The following MTUS1 variants were observed in gnomAD, a reference collection of about 807,000 sequenced individuals.
The protein encoded by MTUS1 is microtubule associated scaffold protein 1.
MTUS1 carries 109 observed loss-of-function variants against 120.8 expected under a neutral mutation model. The ratio of observed to expected loss-of-function variants is 0.90; its 90% confidence interval spans 0.77 to 1.06. MTUS1 has a LOEUF of 1.06. Among genes scored for constraint, MTUS1 ranks in the 50% least tolerant of loss-of-function variants. The pLI is 0.00. For missense variants in MTUS1, 2,210 were observed against 1,486.3 expected, an observed-to-expected ratio of 1.49 and a Z score of -8.01; for synonymous variants, 737 against 550.5, an observed-to-expected ratio of 1.34 and a Z score of -4.74.
At chr8:17,689,233 C>CA (rs942719721) in intron 6 of MTUS1, among the ~76,000 whole-genome samples, 6 of 151,848 alleles carry the variant, frequency 4.0e-5, no homozygotes, top group East Asian at 3.9e-4. Flanking sequence ...AACAAACAAA[C>CA]AAAAAACCCC....
At chr8:17,706,802 T>C (rs188986043) in intron 6 of MTUS1, among the ~76,000 whole-genome samples, 104 of 152,350 alleles carry the variant, frequency 6.8e-4, no homozygotes, top group Non-Finnish European at 1.3e-3. Context: ...TAAATGTTAC[T>C]GTATCTGCTA....
chr8:17,786,716 G>A (rs2051331841), intron 1 of MTUS1, among the ~76,000 whole-genome samples: 1 of 152,160 alleles, frequency 6.6e-6, no homozygotes, highest in Admixed American at 6.5e-5. Context: ...TTGAGAGACT[G>A]GCTGGGGCTG....
intron 8 of MTUS1, among the ~76,000 whole-genome samples, chr8:17,666,008 C>T (rs937528976): frequency 6.6e-6 from 1 of 152,022 alleles, no homozygotes; most frequent in African/African-American, 2.4e-5. Context: ...AGTGTTCCTC[C>T]TCCCACCCTT....
intron 6 of MTUS1, among the ~76,000 whole-genome samples, chr8:17,699,492 G>A (rs1818615259): frequency 6.6e-6 from 1 of 152,156 alleles, no homozygotes; most frequent in African/African-American, 2.4e-5. Context: ...GGGATTACAG[G>A]GGTGAGCCAC....
At chr8:17,677,515 T>C (rs1813370505) in intron 7 of MTUS1, among the ~76,000 whole-genome samples, 1 of 152,206 alleles carries the variant, frequency 6.6e-6, no homozygotes, top group Non-Finnish European at 1.5e-5. Flanking sequence ...TTACAGTTAG[T>C]ATAACTGCAA....
chr8:17,740,033 C>A (rs2047195868), intron 3 of MTUS1, among the ~76,000 whole-genome samples: 1 of 152,096 alleles, frequency 6.6e-6, no homozygotes, highest in South Asian at 2.1e-4. Flanking sequence ...TGGTGAAACC[C>A]TGTCTCTACT....
intron 8 of MTUS1, among the ~76,000 whole-genome samples, chr8:17,666,551 G>C (rs1467432341): frequency 6.6e-6 from 1 of 152,068 alleles, no homozygotes; most frequent in East Asian, 1.9e-4. Context: ...GTAGTCCTGG[G>C]GCACCTACAT....
At chr8:17,776,847 A>G (rs2050480267) in intron 1 of MTUS1, among the ~76,000 whole-genome samples, 1 of 152,150 alleles carries the variant, frequency 6.6e-6, no homozygotes, top group South Asian at 2.1e-4. Context: ...CTATCTAAAT[A>G]CAAATTTAAG....
chr8:17,723,359 A>G (rs2045970626), intron 4 of MTUS1: 2 of 374,570 alleles, frequency 5.3e-6, no homozygotes, highest in South Asian at 5.3e-5. Context: ...TGAAACTGAA[A>G]TAATCTTTTT....
intron 1 of MTUS1, among the ~76,000 whole-genome samples, chr8:17,792,083 T>C (rs1036985364): frequency 7.2e-5 from 11 of 152,170 alleles, no homozygotes; most frequent in Admixed American, 2.0e-4. Context: ...CTCTATGACA[T>C]TACTGCACCA....
rs1483143228 is a variant in MTUS1 at position 17,754,338 on chromosome 8, T to A, written c.1470A>T (p.Ile490=). Residue 490 remains isoleucine, a synonymous_variant, in exon 2 of 15, where the codon ATA becomes ATT. Coordinates refer to ENST00000693296, the MANE Select transcript of MTUS1 (RefSeq NM_001363059.2). ...GKSTIKTNTP[I]GCKVRKTEII... ...TTTCAGTTTTTCTAACTTTGCAGCCTATTGGGGTATTCGTTTTGATTGTTG... is the reference window on the plus strand; with the variant it reads ...TTTCAGTTTTTCTAACTTTGCAGCCAATTGGGGTATTCGTTTTGATTGTTG... 3 of 1,614,186 alleles carry A rather than the reference T, an allele frequency of 1.9e-6. No homozygotes were observed. Among genetic ancestry groups the A allele is most frequent in the Middle Eastern group, 1.6e-4 (1 of 6,062 alleles).
rs529988930 is a variant in MTUS1 at position 17,763,645 on chromosome 8, C to A, written c.-154-7684G>T. 2.6e-5 allele frequency among the ~76,000 whole-genome samples: 4 copies of A among 152,242 alleles called. No individual in the cohort carries two copies. In the East Asian group the frequency reaches 7.7e-4, roughly 29 times the overall value. On this transcript the variant is annotated intron_variant, in intron 1 of 14. Coordinates refer to ENST00000693296, the MANE Select transcript of MTUS1 (RefSeq NM_001363059.2). The stretch of plus-strand genomic sequence containing the variant: ...GACGGTGCACTGAGGGAGATACTCG[C>A]TGGAGGCACTAAGGCAACAGGATTA...
rs2048569972 is a variant in MTUS1 at position 17,755,821 on chromosome 8, C to T, written c.-14G>A. 6.3e-7 allele frequency: 1 copy of T among 1,590,702 alleles called. No homozygotes were observed. The highest frequency in any genetic ancestry group is 8.6e-7 in the Non-Finnish European group (1 of 1,169,184). ...ATCATCAGTCATCCTGAATAGTAACCTTAAACCTCTGCCATTTTATTTCTT... is the reference window on the plus strand; with the variant it reads ...ATCATCAGTCATCCTGAATAGTAACTTTAAACCTCTGCCATTTTATTTCTT... On this transcript the variant is annotated 5_prime_UTR_variant, in exon 2 of 15. Coordinates refer to ENST00000693296, the MANE Select transcript of MTUS1 (RefSeq NM_001363059.2).
chr8:17,733,082 G>A (rs2046697038), intron 3 of MTUS1, among the ~76,000 whole-genome samples: 2 of 152,146 alleles, frequency 1.3e-5, no homozygotes, highest in Admixed American at 6.5e-5. Flanking sequence ...TGGGCACGGT[G>A]CCTCACGCCC....
At chr8:17,792,385 A>C (rs1413927536) in intron 1 of MTUS1, among the ~76,000 whole-genome samples, 2 of 152,246 alleles carry the variant, frequency 1.3e-5, no homozygotes, top group African/African-American at 4.8e-5. Context: ...CAGCCTAATA[A>C]GCTGTAACCA....
At chr8:17,710,499 T>C (rs1821073216) in intron 6 of MTUS1, among the ~76,000 whole-genome samples, 1 of 152,206 alleles carries the variant, frequency 6.6e-6, no homozygotes, top group African/African-American at 2.4e-5. Context: ...AGTCACACCT[T>C]AGGCTTCACT....
chr8:17,686,756 G>A (rs796252281), intron 6 of MTUS1, among the ~76,000 whole-genome samples: 13 of 152,050 alleles, frequency 8.5e-5, no homozygotes, highest in South Asian at 4.1e-4. Flanking sequence ...TTATAAATCC[G>A]TAACAAAAAT....
At chr8:17,659,001 C>T (rs760843652) in intron 8 of MTUS1, among the ~76,000 whole-genome samples, 13 of 152,098 alleles carry the variant, frequency 8.5e-5, no homozygotes, top group Non-Finnish European at 1.9e-4. Context: ...AACTATTTCT[C>T]GTTGCCTGGC....
chr8:17,799,224 G>A (rs966594507), intron 1 of MTUS1, among the ~76,000 whole-genome samples: 1 of 151,750 alleles, frequency 6.6e-6, no homozygotes, highest in African/African-American at 2.4e-5. Context: ...TTTTAAAAAC[G>A]TATTTGTTGC....
Sources: gnomAD v4.1 joint callset for allele counts (sites outside exome capture counted in the v4.1 genomes callset) on GRCh38, gnomAD v4.1.1 for gene constraint, MANE v1.5 for transcripts, NCBI Gene and HGNC (gene_info 2026-07-23, HGNC 2026-07-21) for gene names.